ADAMTS17: variants seen among roughly 807,000 people sequenced by gnomAD.
ADAMTS17 encodes ADAM metallopeptidase with thrombospondin type 1 motif 17, also known as A disintegrin and metalloproteinase with thrombospondin motifs 17.
A neutral mutation model predicts 141.5 loss-of-function variants in ADAMTS17; 113 were observed. That is an observed-to-expected ratio of 0.80 (90% CI 0.69 to 0.93). The LOEUF is 0.93. ADAMTS17 is among the 40% of genes least tolerant of loss of function. ADAMTS17 has a pLI of 0.00. For synonymous variants in ADAMTS17, 768 were observed against 630.6 expected, an observed-to-expected ratio of 1.22 and a Z score of -3.27; for missense variants, 1,659 against 1,517.9, an observed-to-expected ratio of 1.09 and a Z score of -1.54.
At chr15:100,153,637 C>A (rs2141362656) in intron 9 of ADAMTS17, among the ~76,000 whole-genome samples, 1 of 152,206 alleles carries the variant, frequency 6.6e-6, no homozygotes, top group South Asian at 2.1e-4. Context: ...GAGTGAGACT[C>A]TGACTCATAA....
intron 15 of ADAMTS17, among the ~76,000 whole-genome samples, chr15:100,059,452 C>A (rs1413835376): frequency 3.3e-5 from 5 of 152,030 alleles, no homozygotes; most frequent in African/African-American, 1.2e-4. Context: ...AGCCAGGAGG[C>A]ATAGGGGTTA....
At chr15:100,081,112 T>C (rs1437107980) in intron 15 of ADAMTS17, among the ~76,000 whole-genome samples, 1 of 152,160 alleles carries the variant, frequency 6.6e-6, no homozygotes, top group Non-Finnish European at 1.5e-5. Context: ...CTTAATCTGG[T>C]GGGCACAATC....
At chr15:100,209,101 T>C (rs1207376058) in intron 7 of ADAMTS17, among the ~76,000 whole-genome samples, 12 of 98,746 alleles carry the variant, frequency 1.2e-4, no homozygotes, top group Admixed American at 6.4e-4. Context: ...ATGGAAATAT[T>C]TGCCAAGTTA....
chr15:100,006,649 G>A (rs529504798), intron 18 of ADAMTS17, among the ~76,000 whole-genome samples: 1 of 152,330 alleles, frequency 6.6e-6, no homozygotes, highest in East Asian at 1.9e-4. Flanking sequence ...TTTGTCCAGG[G>A]GTCCAGTGTT....
At chr15:99,990,698 C>A (rs2060673243) in intron 20 of ADAMTS17, among the ~76,000 whole-genome samples, 1 of 151,088 alleles carries the variant, frequency 6.6e-6, no homozygotes, top group African/African-American at 2.4e-5. Context: ...AAGGTGGTAG[C>A]ATTTCTGCAG....
intron 20 of ADAMTS17, among the ~76,000 whole-genome samples, chr15:99,989,912 CTGAGA>C (rs2060657837): frequency 6.6e-6 from 1 of 152,194 alleles, no homozygotes; most frequent in Admixed American, 6.5e-5. Context: ...CTAAGCATCT[CTGAGA>C]AACAGGCAGG....
chr15:100,153,015 G>C (rs898793245), intron 9 of ADAMTS17, among the ~76,000 whole-genome samples: 1 of 152,188 alleles, frequency 6.6e-6, no homozygotes, highest in Admixed American at 6.5e-5. Flanking sequence ...GCATAGGAAC[G>C]ACATCCACAA....
At chr15:100,274,689 G>A (rs2044021220) in intron 4 of ADAMTS17, among the ~76,000 whole-genome samples, 1 of 152,138 alleles carries the variant, frequency 6.6e-6, no homozygotes, top group South Asian at 2.1e-4. Flanking sequence ...GATAAGGAGG[G>A]ACTTACTTTT....
chr15:100,187,840 C>T (rs980695748), intron 8 of ADAMTS17, among the ~76,000 whole-genome samples: 1 of 152,134 alleles, frequency 6.6e-6, no homozygotes, highest in African/African-American at 2.4e-5. Context: ...AAAATAAAAA[C>T]TGAATGGGAG....
intron 7 of ADAMTS17, among the ~76,000 whole-genome samples, chr15:100,223,294 A>T (rs1164340700): frequency 6.6e-6 from 1 of 152,238 alleles, no homozygotes; most frequent in Non-Finnish European, 1.5e-5. Flanking sequence ...AAGCCACCAA[A>T]GAGTCAGTTG....
intron 12 of ADAMTS17, among the ~76,000 whole-genome samples, chr15:100,124,702 TA>T (rs2037634580): frequency 1.3e-5 from 2 of 152,252 alleles, no homozygotes; most frequent in Non-Finnish European, 2.9e-5. Flanking sequence ...CTTCTTTGTA[TA>T]TTCTACCTTC....
intron 13 of ADAMTS17, among the ~76,000 whole-genome samples, chr15:100,116,640 C>T (rs2037148864): frequency 6.6e-6 from 1 of 152,252 alleles, no homozygotes; most frequent in Non-Finnish European, 1.5e-5. Flanking sequence ...GCTTCAACAG[C>T]TGCAGTTGGA....
intron 3 of ADAMTS17, among the ~76,000 whole-genome samples, chr15:100,309,289 G>A (rs1344224150): frequency 6.6e-6 from 1 of 152,240 alleles, no homozygotes; most frequent in Non-Finnish European, 1.5e-5. Flanking sequence ...CTCGAGGAAG[G>A]TCGAGGCTGC....
At chr15:100,297,154 TG>T (rs2044852079) in intron 3 of ADAMTS17, among the ~76,000 whole-genome samples, 2 of 150,950 alleles carry the variant, frequency 1.3e-5, no homozygotes, top group African/African-American at 4.9e-5. Flanking sequence ...GTCCAGAGAG[TG>T]GGAACAGCAT....
chr15:100,316,181 C>T (rs116825159), intron 3 of ADAMTS17, among the ~76,000 whole-genome samples: 12,095 of 152,218 alleles, frequency 0.079, 1,174 homozygotes, highest in African/African-American at 0.24. Context: ...ATGGAATCTG[C>T]CACTGGCTGC....
chr15:100,078,359 C>T (rs1052031240), intron 15 of ADAMTS17, among the ~76,000 whole-genome samples: 4 of 152,128 alleles, frequency 2.6e-5, no homozygotes, highest in African/African-American at 9.6e-5. Context: ...CTATCTGTAG[C>T]AATCAAGACA....
intron 15 of ADAMTS17, among the ~76,000 whole-genome samples, chr15:100,094,485 A>G (rs2141009789): frequency 6.6e-6 from 1 of 152,368 alleles, no homozygotes; most frequent in East Asian, 1.9e-4. Flanking sequence ...AGTCTGGGTA[A>G]AGGAAGACCA....
intron 7 of ADAMTS17, among the ~76,000 whole-genome samples, chr15:100,244,368 C>G (rs1393227654): frequency 6.8e-6 from 1 of 147,244 alleles, no homozygotes; most frequent in African/African-American, 2.5e-5. Context: ...GGTTTAACTG[C>G]AGAGCCAATC....
chr15:100,099,417 G>T (rs7180604), intron 14 of ADAMTS17, among the ~76,000 whole-genome samples: 21,233 of 152,198 alleles, frequency 0.14, 2,120 homozygotes, highest in African/African-American at 0.29. Context: ...AGCTGCCATA[G>T]GACACAACTG....
Sources: gnomAD v4.1 joint callset for allele counts (sites outside exome capture counted in the v4.1 genomes callset) on GRCh38, gnomAD v4.1.1 for gene constraint, MANE v1.5 for transcripts, NCBI Gene and HGNC (gene_info 2026-07-23, HGNC 2026-07-21) for gene names.